AKR1B10: variants seen among roughly 807,000 people sequenced by gnomAD.
AKR1B10 encodes the protein aldo-keto reductase family 1 member B10.
AKR1B10 carries 39 observed loss-of-function variants against 38.9 expected under a neutral mutation model. The observed-to-expected ratio is 1.00, with a 90% confidence interval of 0.78 to 1.31. The LOEUF (loss-of-function observed/expected upper bound fraction) is 1.31. Among genes scored for constraint, AKR1B10 ranks in the 50% most tolerant of loss-of-function variants. The probability of loss-of-function intolerance (pLI) is 0.00; values close to 1 mark genes in which losing one functional copy is unlikely to be tolerated. For synonymous variants in AKR1B10, 148 were observed against 141.2 expected, an observed-to-expected ratio of 1.05 and a Z score of -0.34; for missense variants, 361 against 382.6, an observed-to-expected ratio of 0.94 and a Z score of 0.47.
intron 1 of AKR1B10, among the ~76,000 whole-genome samples, chr7:134,528,564 A>C (rs1269296729): frequency 1.3e-5 from 2 of 152,148 alleles, no homozygotes; most frequent in Non-Finnish European, 2.9e-5. Context: ...TTTCTACAAA[A>C]AATAAATAAA....
In AKR1B10 at chr7:134,536,679, G is replaced by A; in HGVS notation, c.459G>A (p.Leu153=). 3 of 1,613,878 alleles carry A rather than the reference G, an allele frequency of 1.9e-6. No homozygotes were observed. Among genetic ancestry groups the A allele is most frequent in the Middle Eastern group, 1.7e-4 (1 of 6,050 alleles). The change falls in exon 5 of 10, where the codon CTG becomes CTA. Residue 153 remains leucine, a synonymous_variant. Coordinates refer to ENST00000359579, the MANE Select transcript of AKR1B10 (RefSeq NM_020299.5). The stretch of plus-strand genomic sequence containing the variant: ...TGGAGGAGCTGGTGGATGAGGGGCT[G>A]GTGAAAGCCCTTGGGGTCTCCAATT... ...EAMEELVDEG[L]VKALGVSNFS...
At chr7:134,532,059 T>C in intron 3 of AKR1B10, 35 bp downstream of exon 3, 1 of 1,612,502 alleles carries the variant, frequency 6.2e-7, no homozygotes, top group Non-Finnish European at 8.5e-7. Flanking sequence ...CTCTAGTTTC[T>C]GAGCAGGTGC....
Position 134,541,050 on chromosome 7 carries a change from C to G in AKR1B10, c.912C>G (p.Ser304=). 1 of 1,574,562 alleles carries G rather than the reference C, an allele frequency of 6.4e-7. No individual in the cohort carries two copies. The highest frequency in any genetic ancestry group is 8.7e-7 in the Non-Finnish European group (1 of 1,145,790). ...RNWRACNVLQ[S]SHLEDYPFNA... is the part of the protein sequence containing the mutation. Reference sequence around the variant, plus strand: ...TGTTTTTTGTTCTTTCCTGCAGATCCTCTCATTTGGAAGACTATCCCTTCA... The same window carrying G: ...TGTTTTTTGTTCTTTCCTGCAGATCGTCTCATTTGGAAGACTATCCCTTCA... Residue 304 remains serine, a synonymous_variant, in exon 10 of 10, where the codon TCC becomes TCG. Coordinates refer to ENST00000359579, the MANE Select transcript of AKR1B10 (RefSeq NM_020299.5).
rs1342487500 is a variant in AKR1B10, at chr7:134,537,127, A to G, written c.629A>G (p.Tyr210Cys). The G allele has an allele frequency of 1.3e-6, 2 of 1,597,640 alleles. No individual in the cohort carries two copies. ...TCCAAGGGCATCACCGTTACGGCCTACAGCCCCCTGGGCTCTCCGGATAGA... is the reference window on the plus strand; with the variant it reads ...TCCAAGGGCATCACCGTTACGGCCTGCAGCCCCCTGGGCTCTCCGGATAGA... ...CHSKGITVTAYSPLGSPDRPW... is the reference protein window; with the variant it reads ...CHSKGITVTACSPLGSPDRPW... The change falls in exon 6 of 10, where the codon TAC becomes TGC. Residue 210 changes from tyrosine (Y) to cysteine (C), a missense_variant. Tyr to Cys is a radical substitution (Grantham distance 194). This residue lies in a region of AKR1B10 where 132 missense variants were observed against 134.6 expected (regional missense o/e 0.98). Transcript: ENST00000359579.
At chr7:134,536,363 CA>C (rs1180084420) in intron 4 of AKR1B10, among the ~76,000 whole-genome samples, 1 of 482 alleles carries the variant, frequency 2.1e-3, no homozygotes, top group Non-Finnish European at 3.7e-3. Flanking sequence ...CCCCTGTGTA[CA>C]GGAAGTTTAA....
At chr7:134,532,673 T>A (rs1807893126) in intron 3 of AKR1B10, among the ~76,000 whole-genome samples, 1 of 152,200 alleles carries the variant, frequency 6.6e-6, no homozygotes, top group African/African-American at 2.4e-5. Flanking sequence ...CTTGGATATC[T>A]AATCCTTATC....
intron 1 of AKR1B10, 107 bp from the exon 2 acceptor site, chr7:134,530,536 G>A (rs1807820335): frequency 1.6e-6 from 2 of 1,213,372 alleles, no homozygotes; most frequent in Non-Finnish European, 2.4e-6. Context: ...CTCGGGAGGT[G>A]GGAGGGTTGC....
At chr7:134,538,324 G>C in intron 8 of AKR1B10, 47 bp downstream of exon 8, 1 of 1,549,638 alleles carries the variant, frequency 6.5e-7, no homozygotes, top group Non-Finnish European at 8.9e-7. Context: ...TGGAGTGGGG[G>C]ACAGGCAGAC....
intron 9 of AKR1B10, among the ~76,000 whole-genome samples, chr7:134,539,497 G>A (rs1808094756): frequency 6.6e-6 from 1 of 152,118 alleles, no homozygotes; most frequent in Admixed American, 6.5e-5. Context: ...AGGAAGCGGT[G>A]GGTGGTAGTG....
chr7:134,534,619 C>G (rs74617021), intron 4 of AKR1B10, among the ~76,000 whole-genome samples: 1 of 152,120 alleles, frequency 6.6e-6, no homozygotes, highest in Non-Finnish European at 1.5e-5. Context: ...AATGAGCAGG[C>G]TTGAATATGT....
Position 134,536,728 on chromosome 7 carries a change from C to G in AKR1B10, c.508C>G (p.Leu170Val). The stretch of plus-strand genomic sequence containing the variant: ...TTTCAGCCACTTCCAGATCGAGAAG[C>G]TCTTGAACAAACCTGGACTGAAATA... ...SNFSHFQIEK[L>V]LNKPGLKYKP... The change falls in exon 5 of 10, where the codon CTC becomes GTC. Residue 170 changes from leucine to valine, a missense_variant. Physicochemically the swap from Leu to Val is conservative, Grantham distance 32. Coordinates refer to ENST00000359579, the MANE Select transcript of AKR1B10 (RefSeq NM_020299.5). 6.2e-7 allele frequency: 1 copy of G among 1,613,930 alleles called. No individual in the cohort carries two copies. The highest frequency in any genetic ancestry group is 8.5e-7 in the Non-Finnish European group (1 of 1,179,826).
intron 4 of AKR1B10, among the ~76,000 whole-genome samples, chr7:134,534,755 A>G (rs1807952322): frequency 2.0e-5 from 3 of 152,186 alleles, no homozygotes; most frequent in Admixed American, 2.0e-4. Context: ...AACCTGACCT[A>G]TGTGCACAAA....
chr7:134,536,125 G>C (rs905017757), intron 4 of AKR1B10, among the ~76,000 whole-genome samples: 6 of 152,216 alleles, frequency 3.9e-5, no homozygotes, highest in Non-Finnish European at 5.9e-5. Flanking sequence ...ACCAAAGCAT[G>C]CTTAGTGTGG....
intron 5 of AKR1B10, 114 bp downstream of exon 5, chr7:134,536,886 C>T (rs1808023714): frequency 3.8e-6 from 6 of 1,577,118 alleles, no homozygotes; most frequent in Non-Finnish European, 5.2e-6. Context: ...GTGATCAGGA[C>T]ACTTTGGGGA....
chr7:134,534,083 G>A (rs570113843), intron 4 of AKR1B10, among the ~76,000 whole-genome samples: 1 of 152,250 alleles, frequency 6.6e-6, no homozygotes, highest in Admixed American at 6.5e-5. Context: ...CTTTTTCTGT[G>A]TATTGTTTGT....
intron 1 of AKR1B10, among the ~76,000 whole-genome samples, chr7:134,528,793 G>T (rs1230064081): frequency 6.6e-6 from 1 of 152,126 alleles, no homozygotes; most frequent in Non-Finnish European, 1.5e-5. Flanking sequence ...AGAGTCTCAG[G>T]CTCCAACCCA....
intron 4 of AKR1B10, among the ~76,000 whole-genome samples, chr7:134,534,402 G>A (rs1807941613): frequency 6.6e-6 from 1 of 152,154 alleles, no homozygotes; most frequent in Admixed American, 6.5e-5. Flanking sequence ...GATTACAGGT[G>A]TGAGCCACCA....
intron 7 of AKR1B10, 121 bp downstream of exon 7, chr7:134,537,782 A>G: frequency 1.6e-6 from 2 of 1,220,518 alleles, no homozygotes; most frequent in South Asian, 1.5e-5. Context: ...GAAGCCCTCT[A>G]AAGTGTTTCC....
chr7:134,540,078 C>A (rs146249530), intron 9 of AKR1B10, among the ~76,000 whole-genome samples: 2 of 152,022 alleles, frequency 1.3e-5, no homozygotes, highest in African/African-American at 4.8e-5. Flanking sequence ...ATTAGCTGGG[C>A]GTGGTGGTGG....
Sources: gnomAD v4.1 joint callset for allele counts (sites outside exome capture counted in the v4.1 genomes callset) on GRCh38, gnomAD v4.1.1 for gene constraint, gnomAD v4.1.1 regional missense constraint, MANE v1.5 for transcripts, NCBI Gene and HGNC (gene_info 2026-07-23, HGNC 2026-07-21) for gene names.